TF: variants seen among roughly 807,000 people sequenced by gnomAD.
TF encodes the protein transferrin.
TF carries 55 observed loss-of-function variants against 82.4 expected under a neutral mutation model. The ratio of observed to expected loss-of-function variants is 0.67; its 90% CI spans 0.54 to 0.84. The LOEUF (loss-of-function observed/expected upper bound fraction) is 0.84, where lower values mean the gene tolerates loss of function less well. TF is among the 40% of genes least tolerant of loss of function. The pLI is 0.00. For synonymous variants in TF, 332 were observed against 332.6 expected (o/e 1.00, Z 0.02); for missense variants, 737 against 868.4 (o/e 0.85, Z 1.90).
At chr3:133,771,933 TC>T (rs1302179289) in intron 14 of TF, among the ~76,000 whole-genome samples, 2 of 151,962 alleles carry the variant, frequency 1.3e-5, no homozygotes, top group African/African-American at 4.8e-5. Context: ...TGTGAATACT[TC>T]CCTGCCTTCT....
the TF span, among the ~76,000 whole-genome samples, chr3:133,725,673 G>A: frequency 1.3e-5 from 2 of 151,768 alleles, no homozygotes; most frequent in South Asian, 4.2e-4. Context: ...AATTGCCCTG[G>A]CCAGAACTTC....
chr3:133,722,764 C>G, the TF span, among the ~76,000 whole-genome samples: 3 of 152,080 alleles, frequency 2.0e-5, no homozygotes, highest in African/African-American at 7.2e-5. Context: ...GTTTTTTAAC[C>G]ATTTAACTTT....
At chr3:133,759,525 C>T (rs566050362) in intron 9 of TF, among the ~76,000 whole-genome samples, 196 bp downstream of exon 9, 21 of 152,284 alleles carry the variant, frequency 1.4e-4, no homozygotes, top group Admixed American at 7.2e-4. Flanking sequence ...CCACAGGGCT[C>T]AGTTTCCTCC....
the TF span, among the ~76,000 whole-genome samples, chr3:133,724,192 A>G: frequency 6.6e-6 from 1 of 152,168 alleles, no homozygotes; most frequent in South Asian, 2.1e-4. Context: ...GGCTGGGTCA[A>G]ATGGTATTTC....
chr3:133,768,203 A>G, intron 13 of TF, 39 bp downstream of exon 13: 4 of 1,612,906 alleles, frequency 2.5e-6, no homozygotes, highest in Non-Finnish European at 3.4e-6. Context: ...AATAATATAC[A>G]AGCCCTGGCC....
At chr3:133,683,133 C>T in the TF span, among the ~76,000 whole-genome samples, 1 of 152,126 alleles carries the variant, frequency 6.6e-6, no homozygotes. Context: ...AAATAAAATC[C>T]TTTACAGACA....
At chr3:133,776,390 C>T (rs1195371719) in intron 15 of TF, among the ~76,000 whole-genome samples, 1 of 152,210 alleles carries the variant, frequency 6.6e-6, no homozygotes, top group African/African-American at 2.4e-5. Context: ...ACACACATCA[C>T]CTTCCTTTTG....
the TF span, among the ~76,000 whole-genome samples, chr3:133,671,397 G>T: frequency 6.6e-6 from 1 of 151,992 alleles, no homozygotes; most frequent in Non-Finnish European, 1.5e-5. Context: ...ATCAAGAAAA[G>T]GAATACTTAT....
chr3:133,742,983 T>A (rs1933422120), upstream of TF, among the ~76,000 whole-genome samples: 1 of 152,132 alleles, frequency 6.6e-6, no homozygotes. Flanking sequence ...TTCCTTTATG[T>A]CCTCTATCAA....
the TF span, among the ~76,000 whole-genome samples, chr3:133,723,673 A>G: frequency 6.8e-6 from 1 of 147,300 alleles, no homozygotes; most frequent in Non-Finnish European, 1.5e-5. Flanking sequence ...TATTATTATT[A>G]TACTTTAAGT....
At chr3:133,707,821 A>T in the TF span, 1 of 152,242 alleles carries the variant, frequency 6.6e-6, no homozygotes, top group Non-Finnish European at 1.5e-5. Flanking sequence ...ACTGGAATAA[A>T]TGAAATATTC....
At chr3:133,770,470 C>A in intron 13 of TF, 38 bp from the exon 14 acceptor site, 2 of 1,608,660 alleles carry the variant, frequency 1.2e-6, no homozygotes, top group Non-Finnish European at 1.7e-6. Context: ...TCACTCTGAC[C>A]GCCTTTTTTT....
the TF span, among the ~76,000 whole-genome samples, chr3:133,717,723 G>T: frequency 2.6e-5 from 4 of 152,248 alleles, no homozygotes; most frequent in East Asian, 7.7e-4. Context: ...CGGCTGGGGT[G>T]GGGGGAGTTG....
the TF span, among the ~76,000 whole-genome samples, chr3:133,736,631 C>CAAAAAAAA: frequency 0.029 from 939 of 32,362 alleles, 32 homozygotes; most frequent in South Asian, 0.037. Flanking sequence ...AATGGAAAGC[C>CAAAAAAAA]AAAAAAAAAA....
chr3:133,777,190 G>A lies in TF; in HGVS notation c.2014G>A (p.Glu672Lys). The A allele has an allele frequency of 6.2e-7, 1 of 1,614,036 alleles. No individual in the cohort carries two copies. The highest frequency in any genetic ancestry group is 8.5e-7 in the Non-Finnish European group (1 of 1,180,020). Residue 672 changes from glutamate to lysine, a missense_variant, in exon 16 of 17, where the codon GAA becomes AAA. Transcript: ENST00000402696. ...AAACACATATGAAAAATACTTAGGA[G>A]AAGAATATGTCAAGGCTGTTGGTAA... The part of the protein sequence containing the change: ...DRNTYEKYLG[E>K]EYVKAVGNLR...
intron 4 of TF, 21 bp downstream of exon 4, chr3:133,754,692 G>T: frequency 6.2e-7 from 1 of 1,613,836 alleles, no homozygotes. Flanking sequence ...AGGAGTCTGG[G>T]TGCCCTCGAG....
At chr3:133,729,307 C>T in the TF span, among the ~76,000 whole-genome samples, 2 of 152,230 alleles carry the variant, frequency 1.3e-5, no homozygotes, top group African/African-American at 4.8e-5. Flanking sequence ...GTGGTGGGCT[C>T]CACCCAGTTT....
chr3:133,682,413 G>C, the TF span, among the ~76,000 whole-genome samples: 15 of 152,172 alleles, frequency 9.9e-5, no homozygotes, highest in African/African-American at 2.7e-4. Flanking sequence ...ACTTCTCCGA[G>C]CTAAAGAAGG....
chr3:133,774,593 G>C (rs948405595), intron 14 of TF: 5 of 152,558 alleles, frequency 3.3e-5, no homozygotes, highest in Admixed American at 3.3e-4. Context: ...ATGGAAACTC[G>C]CAAATGTGAT....
Sources: allele counts gnomAD v4.1 joint callset (sites outside exome capture counted in the v4.1 genomes callset), GRCh38; gene constraint gnomAD v4.1.1; transcripts MANE v1.5; gene names NCBI Gene and HGNC (gene_info 2026-07-23, HGNC 2026-07-21).